LPIN2: variants seen among roughly 807,000 people sequenced by gnomAD.
LPIN2 encodes lipin 2.
A neutral mutation model predicts 111.4 loss-of-function variants in LPIN2; 55 were observed. The ratio of observed to expected loss-of-function variants is 0.49; its 90% CI spans 0.40 to 0.62. LPIN2 has a LOEUF of 0.62. Among genes scored for constraint, LPIN2 ranks in the 20% least tolerant of loss-of-function variants. The probability of loss-of-function intolerance (pLI) is 0.00; values close to 1 mark genes in which losing one functional copy is unlikely to be tolerated. For synonymous variants in LPIN2, 425 were observed against 414.0 expected (o/e 1.03, Z -0.32); for missense variants, 992 against 1,112.1 (o/e 0.89, Z 1.54).
At chr18:3,006,568 C>T (rs1318276028) in intron 1 of LPIN2, among the ~76,000 whole-genome samples, 9 of 151,890 alleles carry the variant, frequency 5.9e-5, no homozygotes, top group South Asian at 2.1e-4. Flanking sequence ...CCGGGCGCAG[C>T]GGCTCAAGCC....
chr18:2,989,003 AAC>A (rs957561803), intron 1 of LPIN2, among the ~76,000 whole-genome samples: 46 of 152,322 alleles, frequency 3.0e-4, no homozygotes, highest in African/African-American at 1.1e-3. Flanking sequence ...CATAGAAGAA[AAC>A]ACAATCCTGG....
chr18:2,984,552 G>T (rs2078159701), intron 1 of LPIN2, among the ~76,000 whole-genome samples: 1 of 151,962 alleles, frequency 6.6e-6, no homozygotes, highest in South Asian at 2.1e-4. Context: ...GCTAGTAGGA[G>T]AAAGAGAGAT....
chr18:2,981,536 T>C (rs1207568335), intron 1 of LPIN2, among the ~76,000 whole-genome samples: 1 of 152,248 alleles, frequency 6.6e-6, no homozygotes, highest in Non-Finnish European at 1.5e-5. Flanking sequence ...TGCTACTTAA[T>C]ATATGAATGT....
chr18:2,920,166 G>A lies in LPIN2; in HGVS notation c.*127C>T, dbSNP rs73375254. 218 of 1,316,902 alleles carry A rather than the reference G, an allele frequency of 1.7e-4. No homozygotes were observed. The African/African-American group carries it at 1.9e-3, about 12-fold the overall frequency. The allele number at this position is 1,316,902 out of a possible 1,614,324, so 81.6% of individuals were successfully genotyped here. ...GCCTGGGAAGGCAAAGGAGGATGGC[G>A]GGACCAGCTCCAGAAGCACCCGTCC... is the stretch of plus-strand genomic sequence containing the variant. On this transcript the variant is annotated 3_prime_UTR_variant, in exon 20 of 20. Coordinates refer to ENST00000677752, the MANE Select transcript of LPIN2 (RefSeq NM_001375808.2).
At chr18:2,920,990 A>G in intron 18 of LPIN2, 109 bp from the exon 19 acceptor site, 1 of 787,680 alleles carries the variant, frequency 1.3e-6, no homozygotes, top group Non-Finnish European at 2.2e-6. Context: ...GACAGAAAAC[A>G]TGCGGAGGCG....
chr18:2,958,164 A>AAAAAAT (rs2077648538), intron 2 of LPIN2, among the ~76,000 whole-genome samples: 1 of 143,414 alleles, frequency 7.0e-6, no homozygotes, highest in Non-Finnish European at 1.5e-5. Flanking sequence ...AAAACAACAA[A>AAAAAAT]AAAAAAAAAC....
chr18:2,946,036 A>G, intron 4 of LPIN2: 4 of 1,403,956 alleles, frequency 2.8e-6, no homozygotes, highest in Non-Finnish European at 3.0e-6. Flanking sequence ...TAGACTCTCT[A>G]GACCCCGATA....
chr18:2,920,773 C>T lies in LPIN2; in HGVS notation c.2546+5G>A. 6.2e-7 allele frequency: 1 copy of T among 1,611,270 alleles called. No homozygotes were observed. The highest frequency in any genetic ancestry group is 1.1e-5 in the South Asian group (1 of 91,030). ...CGCCGGGCTGAGAGCTGAGAATGTA[C>T]TTACGATGACTTGTTTCCTTTGGTT... is the stretch of plus-strand genomic sequence containing the variant. On this transcript the variant is annotated splice_donor_5th_base_variant and intron_variant, in intron 19 of 19. Coordinates refer to ENST00000677752, the MANE Select transcript of LPIN2 (RefSeq NM_001375808.2).
intron 1 of LPIN2, chr18:2,985,402 C>T (rs949319214): frequency 6.6e-6 from 1 of 152,048 alleles, no homozygotes; most frequent in South Asian, 2.1e-4. Context: ...TAAATGACTA[C>T]TGAAAAAAGC....
At chr18:2,976,469 A>AATGT (rs1567848626) in intron 1 of LPIN2, among the ~76,000 whole-genome samples, 1 of 152,256 alleles carries the variant, frequency 6.6e-6, no homozygotes, top group Non-Finnish European at 1.5e-5. Flanking sequence ...TGGAAAAAAG[A>AATGT]ATGTAGGCTG....
At chr18:2,962,499 TAATA>T (rs2077728651) in intron 1 of LPIN2, among the ~76,000 whole-genome samples, 1 of 152,034 alleles carries the variant, frequency 6.6e-6, no homozygotes, top group African/African-American at 2.4e-5. Flanking sequence ...AATGAACTAG[TAATA>T]AATGAGACTA....
chr18:2,975,684 G>A (rs1036602897), intron 1 of LPIN2, among the ~76,000 whole-genome samples: 1 of 152,130 alleles, frequency 6.6e-6, no homozygotes, highest in Non-Finnish European at 1.5e-5. Context: ...TGTGTTTTAA[G>A]GGGTATGTCC....
chr18:2,936,277 T>G (rs1226188848), intron 7 of LPIN2, among the ~76,000 whole-genome samples: 1 of 152,240 alleles, frequency 6.6e-6, no homozygotes, highest in Non-Finnish European at 1.5e-5. Context: ...AGAGAAGGTT[T>G]CACACTTTCC....
At chr18:2,938,185 A>G (rs2077317499) in intron 6 of LPIN2, 148 bp from the exon 7 acceptor site, 1 of 677,866 alleles carries the variant, frequency 1.5e-6, no homozygotes, top group Admixed American at 2.5e-5. Context: ...TCCATAATAA[A>G]GTGAGAAAAA....
intron 4 of LPIN2, chr18:2,946,754 T>C: frequency 1.9e-6 from 1 of 524,554 alleles, no homozygotes; most frequent in South Asian, 2.0e-5. Context: ...ATGGAACAGA[T>C]AAGTGGGGCT....
chr18:2,982,381 G>C (rs566900557), intron 1 of LPIN2, among the ~76,000 whole-genome samples: 1 of 152,084 alleles, frequency 6.6e-6, no homozygotes, highest in South Asian at 2.1e-4. Flanking sequence ...AAAATTCTCA[G>C]TTTAAAACAG....
At position 2,918,731 on chromosome 18, in the gene LPIN2, A is replaced by C. The variant is rs1221081690; in HGVS notation, c.*1562T>G. ...CCGACAAGCACTAGGAAAATGGCTGAAATCAGTCAGGGACTTTCAACTCTC... is the reference window on the plus strand; with the variant it reads ...CCGACAAGCACTAGGAAAATGGCTGCAATCAGTCAGGGACTTTCAACTCTC... On this transcript the variant is annotated 3_prime_UTR_variant, in exon 20 of 20. Transcript: ENST00000677752. The C allele has an allele frequency of 6.6e-6, 1 of 152,204 alleles. No homozygotes were observed. The highest frequency in any genetic ancestry group is 1.5e-5 in the Non-Finnish European group (1 of 68,032). 9.4% of individuals were successfully genotyped at this position (152,204 alleles called of 1,614,324 possible). A position where few individuals can be genotyped will look rare whatever the true frequency, so the allele number is the denominator to read the frequency against.
rs75754065 is a variant in LPIN2, at chr18:2,974,580, T to C, written c.-9-13731A>G. ...TGGTCTTAACTTTTTAAACATTGTA[T>C]ATCCTCAACAAATTACATAAGCTGT... On this transcript the variant is annotated intron_variant, in intron 1 of 19. Coordinates refer to ENST00000677752, the MANE Select transcript of LPIN2 (RefSeq NM_001375808.2). 8.7e-3 allele frequency among the ~76,000 whole-genome samples: 1,321 copies of C among 152,372 alleles called. 10 individuals carry two copies. Among genetic ancestry groups the C allele is most frequent in the African/African-American group, 0.026 (1,089 of 41,578 alleles).
intron 1 of LPIN2, among the ~76,000 whole-genome samples, chr18:2,965,595 T>A (rs1362992764): frequency 6.6e-6 from 1 of 151,996 alleles, no homozygotes; most frequent in Non-Finnish European, 1.5e-5. Context: ...GCCTGTATCG[T>A]GACACATGCC....
Sources: gnomAD v4.1 joint callset for allele counts (sites outside exome capture counted in the v4.1 genomes callset) on GRCh38, gnomAD v4.1.1 for gene constraint, MANE v1.5 for transcripts, NCBI Gene and HGNC (gene_info 2026-07-23, HGNC 2026-07-21) for gene names.